APBB2: variants seen among roughly 807,000 people sequenced by gnomAD.
The protein encoded by APBB2 is amyloid beta precursor protein binding family B member 2, also known as Fe65-like 1.
Under a neutral mutation model 82.5 loss-of-function variants are expected in APBB2, and 38 were observed. The observed-to-expected ratio is 0.46, with a 90% CI of 0.36 to 0.60. The LOEUF (loss-of-function observed/expected upper bound fraction) is 0.60. Among genes scored for constraint, APBB2 ranks in the 20% least tolerant of loss-of-function variants. APBB2 has a pLI of 0.00. For missense variants in APBB2, 772 were observed against 972.3 expected (o/e 0.79, Z 2.74); for synonymous variants, 341 against 368.2 (o/e 0.93, Z 0.85).
chr4:40,883,310 G>A (rs143849173), intron 12 of APBB2, among the ~76,000 whole-genome samples: 249 of 152,232 alleles, frequency 1.6e-3, no homozygotes, highest in African/African-American at 5.7e-3. Flanking sequence ...GTAACAGAGC[G>A]AGACGGTGGC....
At chr4:40,871,729 T>A (rs1470452861) in intron 12 of APBB2, among the ~76,000 whole-genome samples, 1 of 152,166 alleles carries the variant, frequency 6.6e-6, no homozygotes, top group Non-Finnish European at 1.5e-5. Context: ...AAGCATTGTG[T>A]CAAAACATGC....
intron 12 of APBB2, among the ~76,000 whole-genome samples, chr4:40,856,175 AAAAG>A (rs1761128028): frequency 6.6e-6 from 1 of 152,222 alleles, no homozygotes; most frequent in African/African-American, 2.4e-5. Flanking sequence ...TGCAGTTATA[AAAAG>A]AAAGAAAAAG....
intron 4 of APBB2, among the ~76,000 whole-genome samples, chr4:41,064,419 A>G (rs1163647780): frequency 6.6e-6 from 1 of 152,236 alleles, no homozygotes; most frequent in East Asian, 1.9e-4. Context: ...AATTACAGAA[A>G]GGATATGGGG....
chr4:40,924,271 A>C (rs779279832), intron 10 of APBB2, among the ~76,000 whole-genome samples: 3 of 152,232 alleles, frequency 2.0e-5, no homozygotes, highest in Admixed American at 1.3e-4. Flanking sequence ...TCGTGATTCA[A>C]CCATGTTGCT....
chr4:41,149,546 A>AATCC (rs1378446063), intron 1 of APBB2, among the ~76,000 whole-genome samples: 3 of 152,122 alleles, frequency 2.0e-5, no homozygotes, highest in Non-Finnish European at 2.9e-5. Context: ...ATAATCTGAA[A>AATCC]ATCCATGCAC....
In APBB2 at chr4:40,965,299, G is replaced by A. The variant is rs1395132471; in HGVS notation, c.836-20226C>T. Among the ~76,000 whole-genome samples, 3 of 152,124 alleles carry A rather than the reference G, an allele frequency of 2.0e-5. No homozygotes were observed. In the East Asian group the frequency reaches 5.8e-4, roughly 29 times the overall value. On this transcript the variant is annotated intron_variant, in intron 6 of 17. Coordinates refer to ENST00000508593, the MANE Select transcript of APBB2 (RefSeq NM_004307.2). ...ATATAATTAACTGCTTACAATTTAA[G>A]TCCAAAACAAACTTGCATTTTTAGA... is the stretch of plus-strand genomic sequence containing the variant.
intron 1 of APBB2, among the ~76,000 whole-genome samples, chr4:41,178,535 T>G (rs1033716237): frequency 3.3e-5 from 5 of 152,238 alleles, no homozygotes; most frequent in African/African-American, 9.6e-5. Flanking sequence ...TCCACTGTAC[T>G]GCCACCATCT....
At chr4:40,944,279 A>C (rs1045865379) in intron 7 of APBB2, among the ~76,000 whole-genome samples, 8 of 152,212 alleles carry the variant, frequency 5.3e-5, no homozygotes, top group African/African-American at 1.7e-4. Context: ...TAATGCCTCA[A>C]TTCTTTGTTT....
chr4:41,146,884 G>C (rs893817217), intron 1 of APBB2, among the ~76,000 whole-genome samples: 3 of 152,226 alleles, frequency 2.0e-5, no homozygotes, highest in African/African-American at 7.2e-5. Context: ...GGCCCGGGCT[G>C]ATGTGATCTG....
chr4:41,105,717 T>C (rs1469929843), intron 2 of APBB2, among the ~76,000 whole-genome samples: 2 of 152,036 alleles, frequency 1.3e-5, no homozygotes, highest in Non-Finnish European at 2.9e-5. Context: ...ACCCCGTCTC[T>C]ACTAAAAATA....
intron 3 of APBB2, among the ~76,000 whole-genome samples, chr4:41,077,171 AT>A (rs368187037): frequency 3.5e-3 from 459 of 129,952 alleles, no homozygotes; most frequent in Middle Eastern, 0.012. Flanking sequence ...CACCCAGCTA[AT>A]TTTTTTTTTT....
In APBB2 at chr4:40,811,245, G is replaced by T. The variant is rs1051586335; in HGVS notation, c.*4847C>A. Reference sequence around the variant, plus strand: ...ACAGGATTATTTAAATACTTTGGTAGAGTGAAAAGGGAAAAGAATTTTGGA... The same window carrying T: ...ACAGGATTATTTAAATACTTTGGTATAGTGAAAAGGGAAAAGAATTTTGGA... On this transcript the variant is annotated 3_prime_UTR_variant, in exon 18 of 18. Transcript: ENST00000508593. 6.6e-6 allele frequency: 1 copy of T among 152,194 alleles called. No individual in the cohort carries two copies. Among genetic ancestry groups the T allele is most frequent in the African/African-American group, 2.4e-5 (1 of 41,436 alleles). The allele number at this position is 152,194 out of a possible 1,614,324, so 9.4% of individuals were successfully genotyped here.
chr4:40,929,910 A>G (rs1578511926), intron 10 of APBB2, among the ~76,000 whole-genome samples: 1 of 152,312 alleles, frequency 6.6e-6, no homozygotes, highest in East Asian at 1.9e-4. Flanking sequence ...GTAGTGGGGG[A>G]AAAACTCCTC....
At chr4:40,972,445 T>TAATAAATAAATA (rs1553888325) in intron 6 of APBB2, among the ~76,000 whole-genome samples, 7,981 of 146,904 alleles carry the variant, frequency 0.054, 236 homozygotes, top group Non-Finnish European at 0.068. Context: ...AAAAAAATAA[T>TAATAAATAAATA]AATAAATAAA....
intron 12 of APBB2, among the ~76,000 whole-genome samples, chr4:40,889,611 A>G (rs1215412032): frequency 6.6e-6 from 1 of 152,250 alleles, no homozygotes; most frequent in African/African-American, 2.4e-5. Flanking sequence ...TTTAAGAATT[A>G]ACTGCATTTA....
intron 10 of APBB2, among the ~76,000 whole-genome samples, chr4:40,922,785 A>AT (rs112361078): frequency 0.085 from 11,032 of 129,848 alleles, 1,200 homozygotes; most frequent in African/African-American, 0.27. Flanking sequence ...TAAATTTTGT[A>AT]TTTTTTTTTT....
chr4:40,905,047 C>T (rs552821926), intron 10 of APBB2, among the ~76,000 whole-genome samples: 1 of 152,274 alleles, frequency 6.6e-6, no homozygotes, highest in African/African-American at 2.4e-5. Flanking sequence ...GAGCAAGACA[C>T]ATAACTGGAA....
intron 2 of APBB2, among the ~76,000 whole-genome samples, chr4:41,102,009 C>T (rs1441583836): frequency 6.6e-6 from 1 of 151,316 alleles, no homozygotes; most frequent in Non-Finnish European, 1.5e-5. Context: ...CCCCAACAAT[C>T]GTGCAAATGG....
At chr4:41,193,182 CA>C (rs1774952236) in intron 1 of APBB2, among the ~76,000 whole-genome samples, 1 of 152,192 alleles carries the variant, frequency 6.6e-6, no homozygotes, top group Admixed American at 6.5e-5. Flanking sequence ...ATAACCAAAG[CA>C]TATTTATTTA....
Sources: gnomAD v4.1 joint callset for allele counts (sites outside exome capture counted in the v4.1 genomes callset) on GRCh38, gnomAD v4.1.1 for gene constraint, MANE v1.5 for transcripts, NCBI Gene and HGNC (gene_info 2026-07-23, HGNC 2026-07-21) for gene names.